The following PCDH9 variants were observed in gnomAD, a reference collection of about 807,000 sequenced individuals.
PCDH9 encodes protocadherin 9.
PCDH9 carries 24 observed loss-of-function variants against 70.6 expected under a neutral mutation model. The observed-to-expected ratio is 0.34, with a 90% confidence interval of 0.25 to 0.48. The LOEUF (loss-of-function observed/expected upper bound fraction) is 0.48, where lower values mean the gene tolerates loss of function less well. Ranked by LOEUF, PCDH9 falls within the 20% of genes least tolerant of loss-of-function variation. The pLI, the probability that PCDH9 is intolerant of heterozygous loss-of-function variation, is 0.99. For synonymous variants in PCDH9, 562 were observed against 558.5 expected, an observed-to-expected ratio of 1.01 and a Z score of -0.09; for missense variants, 1,281 against 1,503.6, an observed-to-expected ratio of 0.85 and a Z score of 2.45.
chr13:66,369,111 A>G (rs923170587), intron 4 of PCDH9, among the ~76,000 whole-genome samples: 6 of 152,164 alleles, frequency 3.9e-5, no homozygotes, highest in Non-Finnish European at 7.4e-5. Flanking sequence ...ATTTACAAGT[A>G]TACTTGCTAG....
chr13:66,869,469 CA>C (rs2081633492), intron 3 of PCDH9, among the ~76,000 whole-genome samples: 1 of 152,046 alleles, frequency 6.6e-6, no homozygotes, highest in Non-Finnish European at 1.5e-5. Flanking sequence ...ACACCAGAAG[CA>C]AAAGAATTGG....
chr13:67,002,150 T>C (rs1316773994), intron 2 of PCDH9: 1 of 152,156 alleles, frequency 6.6e-6, no homozygotes, highest in Non-Finnish European at 1.5e-5. Context: ...TGGTTTTATG[T>C]AAAGCCACAC....
chr13:67,145,583 T>A lies in PCDH9; in HGVS notation c.3036+79822A>T, dbSNP rs74095345. Among the ~76,000 whole-genome samples the A allele has an allele frequency of 4.5e-3, 651 of 145,114 alleles. 6 individuals are homozygous for A. The highest frequency in any genetic ancestry group is 0.015 in the African/African-American group (626 of 40,818). The stretch of plus-strand genomic sequence containing the variant: ...AGTTTATTCCATAGGTCTTATAGTA[T>A]AAAATGGTAGACTATACAAAAAAAC... On this transcript the variant is annotated intron_variant, in intron 2 of 4. Coordinates refer to ENST00000377865, the MANE Select transcript of PCDH9 (RefSeq NM_203487.3).
chr13:66,668,103 T>C (rs1290882443), intron 3 of PCDH9, among the ~76,000 whole-genome samples: 2 of 152,200 alleles, frequency 1.3e-5, no homozygotes, highest in Non-Finnish European at 2.9e-5. Context: ...TCTGTCTCTG[T>C]AGATTCTACA....
intron 4 of PCDH9, among the ~76,000 whole-genome samples, chr13:66,486,169 C>A (rs536028600): frequency 2.0e-5 from 3 of 152,024 alleles, no homozygotes; most frequent in Non-Finnish European, 4.4e-5. Flanking sequence ...AGGCCAGATG[C>A]GATGGCTCAT....
At chr13:67,062,410 A>C (rs2085556478) in intron 2 of PCDH9, among the ~76,000 whole-genome samples, 1 of 152,190 alleles carries the variant, frequency 6.6e-6, no homozygotes, top group African/African-American at 2.4e-5. Context: ...GGTAAGGGAG[A>C]AATCTGCAGA....
chr13:67,185,304 A>T (rs1222461052), intron 2 of PCDH9, among the ~76,000 whole-genome samples: 3 of 152,220 alleles, frequency 2.0e-5, no homozygotes, highest in Non-Finnish European at 4.4e-5. Context: ...GTTAAAAATC[A>T]TCATCAACTG....
At chr13:66,988,777 T>C (rs1293410434) in intron 2 of PCDH9, among the ~76,000 whole-genome samples, 1 of 152,014 alleles carries the variant, frequency 6.6e-6, no homozygotes, top group Non-Finnish European at 1.5e-5. Flanking sequence ...AACTATTAGA[T>C]GACTTGTTCA....
At chr13:66,510,964 T>C (rs1294612087) in intron 4 of PCDH9, among the ~76,000 whole-genome samples, 2 of 152,174 alleles carry the variant, frequency 1.3e-5, no homozygotes, top group African/African-American at 2.4e-5. Context: ...AACAACTAGG[T>C]AATGTTTGGA....
chr13:66,773,016 G>C (rs1336228110), intron 3 of PCDH9, among the ~76,000 whole-genome samples: 2 of 152,072 alleles, frequency 1.3e-5, no homozygotes, highest in Non-Finnish European at 2.9e-5. Flanking sequence ...ACGTGAACCT[G>C]AATAAATTAA....
intron 4 of PCDH9, among the ~76,000 whole-genome samples, chr13:66,309,378 T>TG (rs767566170): frequency 0.03 from 4,518 of 152,164 alleles, 135 homozygotes; most frequent in Admixed American, 0.084. Flanking sequence ...CCTAAGTCAG[T>TG]CCCTGCCCTA....
chr13:67,021,417 G>A (rs1202965670), intron 2 of PCDH9, among the ~76,000 whole-genome samples: 1 of 152,106 alleles, frequency 6.6e-6, no homozygotes, highest in African/African-American at 2.4e-5. Context: ...AAGTATTATA[G>A]CTTTATTTTA....
intron 3 of PCDH9, among the ~76,000 whole-genome samples, chr13:66,715,159 T>C (rs2078852405): frequency 2.6e-5 from 4 of 152,192 alleles, no homozygotes; most frequent in Non-Finnish European, 5.9e-5. Flanking sequence ...CTGGGCATTT[T>C]TCTGTTTCTT....
intron 3 of PCDH9, among the ~76,000 whole-genome samples, chr13:66,646,478 C>A (rs1566478998): frequency 6.6e-6 from 1 of 152,094 alleles, no homozygotes; most frequent in Non-Finnish European, 1.5e-5. Flanking sequence ...TAGCACACGA[C>A]AAGAAATATG....
intron 2 of PCDH9, among the ~76,000 whole-genome samples, chr13:67,151,711 A>G (rs2138387519): frequency 6.6e-6 from 1 of 152,100 alleles, no homozygotes; most frequent in African/African-American, 2.4e-5. Context: ...CATCTTTTCA[A>G]TCTATCAAAA....
intron 2 of PCDH9, among the ~76,000 whole-genome samples, chr13:67,170,903 T>C (rs928068353): frequency 4.6e-5 from 7 of 152,074 alleles, no homozygotes; most frequent in Non-Finnish European, 1.0e-4. Context: ...CCAGCCTCAG[T>C]GACAGAGAAA....
chr13:66,425,447 C>G (rs1957652268), intron 4 of PCDH9, among the ~76,000 whole-genome samples: 1 of 151,458 alleles, frequency 6.6e-6, no homozygotes, highest in African/African-American at 2.4e-5. Context: ...AGCCAATAAA[C>G]TGTAGGTATA....
At chr13:66,729,968 A>G (rs1437872398) in intron 3 of PCDH9, among the ~76,000 whole-genome samples, 1 of 152,162 alleles carries the variant, frequency 6.6e-6, no homozygotes, top group Admixed American at 6.6e-5. Flanking sequence ...AAAACCACAA[A>G]GTCTGTAGAA....
At chr13:67,052,057 T>C (rs2085334503) in intron 2 of PCDH9, among the ~76,000 whole-genome samples, 1 of 152,276 alleles carries the variant, frequency 6.6e-6, no homozygotes, top group African/African-American at 2.4e-5. Context: ...AGTGGCATCT[T>C]CAAAGTCACT....
Sources: gnomAD v4.1 joint callset for allele counts (sites outside exome capture counted in the v4.1 genomes callset) on GRCh38, gnomAD v4.1.1 for gene constraint, MANE v1.5 for transcripts, NCBI Gene and HGNC (gene_info 2026-07-23, HGNC 2026-07-21) for gene names.